The following TMEM74 variants were observed in gnomAD, a reference collection of about 807,000 sequenced individuals.
The protein encoded by TMEM74 is transmembrane protein 74.
TMEM74 carries 13 observed loss-of-function variants against 18.1 expected under a neutral mutation model. The ratio of observed to expected loss-of-function variants is 0.72; its 90% CI spans 0.47 to 1.14. The LOEUF (loss-of-function observed/expected upper bound fraction) is 1.14, where lower values mean the gene tolerates loss of function less well. Among genes scored for constraint, TMEM74 ranks in the 50% most tolerant of loss-of-function variants. The pLI is 0.00. For missense variants in TMEM74, 372 were observed against 375.9 expected, an observed-to-expected ratio of 0.99 and a Z score of 0.09; for synonymous variants, 159 against 146.6, an observed-to-expected ratio of 1.08 and a Z score of -0.61.
In TMEM74 at chr8:108,632,510, A is replaced by C. The variant is rs192786719; in HGVS notation, n.264+22783T>G. 7.2e-5 allele frequency among the ~76,000 whole-genome samples: 11 copies of C among 152,172 alleles called. No individual in the cohort carries two copies. In the East Asian group the frequency reaches 2.1e-3, roughly 29 times the overall value. On this transcript the variant is annotated intron_variant and non_coding_transcript_variant, in intron 2 of 3. Transcript: ENST00000518838. ...GATGATGAGAAATTTATAGAAAATT[A>C]GTTTATTTAAATAAACCTCTAACTA...
intron 1 of TMEM74, among the ~76,000 whole-genome samples, chr8:108,754,572 G>C (rs1563543073): frequency 2.0e-5 from 3 of 151,832 alleles, no homozygotes; most frequent in African/African-American, 7.3e-5. Context: ...GACTCTTCTT[G>C]CCAACTTTAT....
At chr8:108,629,623 G>A (rs2201741) in intron 2 of TMEM74, among the ~76,000 whole-genome samples, 66,438 of 151,862 alleles carry the variant, frequency 0.44, 15,978 homozygotes, top group East Asian at 0.71. Flanking sequence ...CCATCAGACT[G>A]AGAGTGGATA....
intron 1 of TMEM74, among the ~76,000 whole-genome samples, chr8:108,674,558 C>G (rs976558830): frequency 9.9e-5 from 15 of 152,196 alleles, no homozygotes; most frequent in Admixed American, 1.3e-4. Flanking sequence ...ATGTATTACT[C>G]CATGGAAGCT....
At chr8:108,650,421 G>A (rs1812761992) in intron 2 of TMEM74, among the ~76,000 whole-genome samples, 1 of 152,102 alleles carries the variant, frequency 6.6e-6, no homozygotes, top group Admixed American at 6.6e-5. Context: ...ACTATCTATT[G>A]TGTTCTCATT....
At chr8:108,775,999 G>A (rs183118914), downstream of TMEM74, among the ~76,000 whole-genome samples, 26 of 152,342 alleles carry the variant, frequency 1.7e-4, no homozygotes, top group East Asian at 1.9e-3. Context: ...TTGGCAGAAT[G>A]TGAACAAGGT....
At chr8:108,721,245 A>G (rs1813584627) in intron 1 of TMEM74, among the ~76,000 whole-genome samples, 1 of 152,190 alleles carries the variant, frequency 6.6e-6, no homozygotes, top group Non-Finnish European at 1.5e-5. Context: ...TGAGACAGAC[A>G]TGCTCCCCAA....
chr8:108,693,010 G>A (rs1813246079), intron 1 of TMEM74, among the ~76,000 whole-genome samples: 1 of 152,174 alleles, frequency 6.6e-6, no homozygotes. Flanking sequence ...AGAGAGGGCT[G>A]CTTTAGCTAG....
chr8:108,664,189 GCACTGAA>G (rs11275810), intron 1 of TMEM74, among the ~76,000 whole-genome samples: 73,426 of 151,366 alleles, frequency 0.49, 18,052 homozygotes, highest in East Asian at 0.56. Flanking sequence ...CATAGGAATA[GCACTGAA>G]GCTGTACATT....
chr8:108,652,631 A>G, intron 2 of TMEM74: 1 of 629,356 alleles, frequency 1.6e-6, no homozygotes, highest in African/African-American at 1.8e-5. Context: ...AAGAAGGCAA[A>G]AGAAAGCAAG....
chr8:108,678,962 T>C (rs1813084991), intron 1 of TMEM74, among the ~76,000 whole-genome samples: 1 of 141,838 alleles, frequency 7.1e-6, no homozygotes, highest in South Asian at 2.3e-4. Context: ...GTGTTCTCAT[T>C]GTTCAATTCC....
At chr8:108,705,201 G>T (rs1385199916) in intron 1 of TMEM74, among the ~76,000 whole-genome samples, 9 of 152,166 alleles carry the variant, frequency 5.9e-5, no homozygotes, top group South Asian at 2.1e-4. Context: ...ACTCTATAGG[G>T]TGTCTAATAA....
At chr8:108,666,513 C>T (rs1019494587) in intron 1 of TMEM74, among the ~76,000 whole-genome samples, 2 of 152,116 alleles carry the variant, frequency 1.3e-5, no homozygotes, top group Admixed American at 1.3e-4. Flanking sequence ...ATGCTTTGTC[C>T]CAGCTTATGG....
chr8:108,729,661 A>G (rs1207177170), intron 1 of TMEM74, among the ~76,000 whole-genome samples: 1 of 152,232 alleles, frequency 6.6e-6, no homozygotes, highest in African/African-American at 2.4e-5. Flanking sequence ...TCTCAAGAAG[A>G]GAGGTAAACA....
intron 2 of TMEM74, among the ~76,000 whole-genome samples, chr8:108,634,372 T>C (rs10111798): frequency 0.097 from 14,682 of 151,988 alleles, 1,268 homozygotes; most frequent in East Asian, 0.42. Context: ...ATTTAGCTTA[T>C]ATGTTCAACC....
intron 1 of TMEM74, among the ~76,000 whole-genome samples, chr8:108,742,660 A>G (rs1234827459): frequency 1.3e-5 from 2 of 152,288 alleles, no homozygotes; most frequent in Non-Finnish European, 2.9e-5. Context: ...AGTATTTGCT[A>G]AGGCAGTAAC....
At chr8:108,702,781 G>A (rs1813350385) in intron 1 of TMEM74, among the ~76,000 whole-genome samples, 1 of 125,736 alleles carries the variant, frequency 8.0e-6, no homozygotes. Flanking sequence ...TAGATTTGAT[G>A]ACGACTTTTT....
chr8:108,687,419 A>C (rs59210404), intron 1 of TMEM74, among the ~76,000 whole-genome samples: 4,468 of 152,082 alleles, frequency 0.029, 123 homozygotes, highest in African/African-American at 0.066. Context: ...GCAGTCCCCA[A>C]CCTTTTTGAC....
chr8:108,628,129 C>T (rs140129456), intron 2 of TMEM74, among the ~76,000 whole-genome samples: 55 of 152,104 alleles, frequency 3.6e-4, no homozygotes, highest in African/African-American at 1.3e-3. Context: ...TGCAGTTTGA[C>T]TCCCTGAGTT....
intron 1 of TMEM74, among the ~76,000 whole-genome samples, chr8:108,756,559 A>G (rs530188449): frequency 9.7e-6 from 1 of 103,412 alleles, no homozygotes; most frequent in South Asian, 3.1e-4. Context: ...AAAGAAAGAA[A>G]GAAAGAAAGA....
Sources: gnomAD v4.1 joint callset for allele counts (sites outside exome capture counted in the v4.1 genomes callset) on GRCh38, gnomAD v4.1.1 for gene constraint, MANE v1.5 for transcripts, NCBI Gene and HGNC (gene_info 2026-07-23, HGNC 2026-07-21) for gene names.